Variants in TMC1 observed in about 807,000 individuals in gnomAD.
TMC1 encodes the protein transmembrane channel like 1.
In TMC1, 84 loss-of-function variants were observed where a neutral mutation model predicts 105.8. That is an observed-to-expected ratio of 0.79 (90% CI 0.67 to 0.95). The LOEUF (loss-of-function observed/expected upper bound fraction) is 0.95. Among genes scored for constraint, TMC1 ranks in the 40% least tolerant of loss-of-function variants. TMC1 has a pLI of 0.00. For missense variants in TMC1, 817 were observed against 914.1 expected (o/e 0.89, Z 1.37); for synonymous variants, 315 against 311.5 (o/e 1.01, Z -0.12).
chr9:72,806,675 G>A lies in TMC1; in HGVS notation c.1695+1165G>A, dbSNP rs534360214. On this transcript the variant is annotated intron_variant, in intron 18 of 23. Transcript: ENST00000297784. ...CACATCCCAGATGATGGGCGGCCGGGCAGAGGCGCTCCTCACTTCCTAGAT... is the reference window on the plus strand; with the variant it reads ...CACATCCCAGATGATGGGCGGCCGGACAGAGGCGCTCCTCACTTCCTAGAT... Among the ~76,000 whole-genome samples, 9 of 151,916 alleles carry A rather than the reference G, an allele frequency of 5.9e-5. No homozygotes were observed. In the South Asian group the frequency reaches 1.0e-3, roughly 18 times the overall value.
At chr9:72,582,241 G>GT (rs1824487579) in intron 2 of TMC1, among the ~76,000 whole-genome samples, 1 of 152,216 alleles carries the variant, frequency 6.6e-6, no homozygotes, top group South Asian at 2.1e-4. Context: ...ACAGGCGTGA[G>GT]CCACTGTGCT....
intron 17 of TMC1, among the ~76,000 whole-genome samples, chr9:72,801,872 G>A (rs928018528): frequency 6.6e-6 from 1 of 152,088 alleles, no homozygotes; most frequent in African/African-American, 2.4e-5. Flanking sequence ...TTAATACAAT[G>A]TTTGAATCTT....
chr9:72,682,076 A>T (rs1328825864), intron 5 of TMC1, among the ~76,000 whole-genome samples: 2 of 152,176 alleles, frequency 1.3e-5, no homozygotes. Flanking sequence ...ACCAAAAACC[A>T]AAACTATTAT....
chr9:72,589,743 A>C (rs1050356000), intron 2 of TMC1, among the ~76,000 whole-genome samples: 1 of 152,240 alleles, frequency 6.6e-6, no homozygotes, highest in South Asian at 2.1e-4. Flanking sequence ...TTCTAACAGC[A>C]TTGGCTGTGG....
At chr9:72,547,228 A>G (rs969829545) in intron 1 of TMC1, among the ~76,000 whole-genome samples, 4 of 149,706 alleles carry the variant, frequency 2.7e-5, no homozygotes. Flanking sequence ...CGGAGGTTGC[A>G]GTGAGCCGAG....
chr9:72,633,025 A>G (rs1231437715), intron 4 of TMC1, among the ~76,000 whole-genome samples: 3 of 152,032 alleles, frequency 2.0e-5, no homozygotes, highest in Admixed American at 6.5e-5. Flanking sequence ...AAAAAATAAG[A>G]TAAATGTAAC....
In TMC1 at chr9:72,766,157, C is replaced by A. The variant is rs1006728455; in HGVS notation, c.742-6256C>A. 1.9e-4 allele frequency among the ~76,000 whole-genome samples: 29 copies of A among 152,064 alleles called. 1 individual carries two copies. Among genetic ancestry groups the A allele is most frequent in the Admixed American group, 1.9e-3 (29 of 15,266 alleles). ...TCTCGGCTGGGCGTGGTGGCTCACA[C>A]CTGTAATCCCAGCACTTTGGGAGGC... On this transcript the variant is annotated intron_variant, in intron 12 of 23. Transcript: ENST00000297784.
At chr9:72,829,725 A>G (rs1421302924) in intron 21 of TMC1, among the ~76,000 whole-genome samples, 2 of 152,188 alleles carry the variant, frequency 1.3e-5, no homozygotes, top group Non-Finnish European at 2.9e-5. Flanking sequence ...ATATCCAGTT[A>G]TTTGCAGCAA....
intron 1 of TMC1, among the ~76,000 whole-genome samples, chr9:72,547,742 G>A (rs1823796056): frequency 6.6e-6 from 1 of 152,184 alleles, no homozygotes; most frequent in Admixed American, 6.5e-5. Context: ...TAGGAACAGA[G>A]CCTGAAATGA....
chr9:72,641,934 C>T (rs1293316280), intron 4 of TMC1, among the ~76,000 whole-genome samples: 3 of 151,388 alleles, frequency 2.0e-5, no homozygotes, highest in Non-Finnish European at 4.4e-5. Context: ...TCTCCTCCCG[C>T]AGCCTCCTGA....
intron 1 of TMC1, among the ~76,000 whole-genome samples, chr9:72,559,449 C>T (rs912043798): frequency 3.9e-5 from 6 of 152,066 alleles, no homozygotes; most frequent in Non-Finnish European, 8.8e-5. Flanking sequence ...AGGCCCCCAC[C>T]GATGCCCATA....
At chr9:72,662,473 AG>A (rs1000447228) in intron 5 of TMC1, among the ~76,000 whole-genome samples, 4 of 151,868 alleles carry the variant, frequency 2.6e-5, no homozygotes, top group Admixed American at 2.6e-4. Flanking sequence ...CTGGCATTAC[AG>A]GTGTGAGCCA....
intron 8 of TMC1, among the ~76,000 whole-genome samples, chr9:72,722,465 A>T (rs573049000): frequency 1.1e-4 from 16 of 152,156 alleles, no homozygotes; most frequent in Non-Finnish European, 1.8e-4. Flanking sequence ...CAACGCCCAT[A>T]GAAATAAAAT....
At chr9:72,552,595 T>C (rs372798786) in intron 1 of TMC1, among the ~76,000 whole-genome samples, 1 of 152,220 alleles carries the variant, frequency 6.6e-6, no homozygotes, top group Non-Finnish European at 1.5e-5. Flanking sequence ...GATCACAAGA[T>C]ACTTGGAAAA....
At chr9:72,775,946 C>A (rs1827998913) in intron 13 of TMC1, among the ~76,000 whole-genome samples, 1 of 152,162 alleles carries the variant, frequency 6.6e-6, no homozygotes, top group Non-Finnish European at 1.5e-5. Context: ...TTACTATCCC[C>A]TGCAAAAGAA....
intron 2 of TMC1, among the ~76,000 whole-genome samples, chr9:72,604,821 G>A (rs7045292): frequency 0.56 from 85,913 of 152,096 alleles, 25,478 homozygotes; most frequent in African/African-American, 0.76. Context: ...TAGTGACAAG[G>A]TGGGACAGAG....
At chr9:72,678,575 TAAG>T (rs1317258615) in intron 5 of TMC1, among the ~76,000 whole-genome samples, 1 of 152,054 alleles carries the variant, frequency 6.6e-6, no homozygotes, top group Non-Finnish European at 1.5e-5. Context: ...TAAAATGAAA[TAAG>T]AGTACTTGGC....
At chr9:72,607,722 G>C (rs1395855692) in intron 2 of TMC1, 4 of 151,812 alleles carry the variant, frequency 2.6e-5, no homozygotes, top group Non-Finnish European at 5.9e-5. Context: ...TGAGGTGAGA[G>C]ATCACTTGAG....
intron 7 of TMC1, among the ~76,000 whole-genome samples, chr9:72,695,458 C>T (rs1826532829): frequency 6.6e-6 from 1 of 152,028 alleles, no homozygotes; most frequent in African/African-American, 2.4e-5. Context: ...TGTAAAACAC[C>T]TCTAATTAAA....
Sources: allele counts gnomAD v4.1 joint callset (sites outside exome capture counted in the v4.1 genomes callset), GRCh38; gene constraint gnomAD v4.1.1; transcripts MANE v1.5; gene names NCBI Gene and HGNC (gene_info 2026-07-23, HGNC 2026-07-21).